Variants in ACVR2A observed in about 807,000 individuals in gnomAD.
ACVR2A encodes the protein activin A receptor type 2A, also known as activin receptor type-2A.
In ACVR2A, 7 loss-of-function variants were observed where a neutral mutation model predicts 61.4. The observed-to-expected ratio is 0.11, with a 90% CI of 0.06 to 0.21. ACVR2A has a LOEUF of 0.21. ACVR2A is among the 10% of genes least tolerant of loss of function. The probability of loss-of-function intolerance (pLI) is 1.00; values close to 1 mark genes in which losing one functional copy is unlikely to be tolerated. For synonymous variants in ACVR2A, 193 were observed against 208.3 expected, an observed-to-expected ratio of 0.93 and a Z score of 0.63; for missense variants, 322 against 621.7, an observed-to-expected ratio of 0.52 and a Z score of 5.13.
At chr2:147,908,038 CAAAAAAAAAAAAAAAA>C (rs1687028240) in intron 4 of ACVR2A, among the ~76,000 whole-genome samples, 1 of 67,036 alleles carries the variant, frequency 1.5e-5, no homozygotes, top group Non-Finnish European at 3.0e-5. Context: ...GACTCTGTTT[CAAAAAAAAAAAAAAAA>C]GAAAAAAAAG....
intron 4 of ACVR2A, among the ~76,000 whole-genome samples, chr2:147,905,399 ATATT>A (rs1212454513): frequency 6.6e-6 from 1 of 152,006 alleles, no homozygotes; most frequent in Non-Finnish European, 1.5e-5. Context: ...AAAATTTTGT[ATATT>A]TAAGGTGTAC....
chr2:147,902,303 A>G (rs1251117307), intron 4 of ACVR2A, among the ~76,000 whole-genome samples: 1 of 151,994 alleles, frequency 6.6e-6, no homozygotes, highest in Non-Finnish European at 1.5e-5. Context: ...TCTCCATTTT[A>G]TAGATAGAAA....
chr2:147,921,197 C>T (rs1687371419), intron 8 of ACVR2A, among the ~76,000 whole-genome samples: 1 of 151,958 alleles, frequency 6.6e-6, no homozygotes, highest in South Asian at 2.1e-4. Flanking sequence ...CCATGCCCAG[C>T]CTAATGTTTG....
rs1687569999 is a variant in ACVR2A, at chr2:147,928,751, C to G, written c.*1477C>G. The G allele has an allele frequency of 2.6e-5, 4 of 152,208 alleles. No homozygotes were observed. Among genetic ancestry groups the G allele is most frequent in the African/African-American group, 9.7e-5 (4 of 41,354 alleles). The allele number at this position is 152,208 out of a possible 1,614,324, so 9.4% of individuals were successfully genotyped here. ...GGTAGGCAGGTGCTAAAGTGCTTTT[C>G]AAAACAATATTACGTTAGAATACAA... On this transcript the variant is annotated 3_prime_UTR_variant, in exon 11 of 11. Coordinates refer to ENST00000241416, the MANE Select transcript of ACVR2A (RefSeq NM_001616.5).
rs2105227122 is a variant in ACVR2A, at chr2:147,927,914, T to G, written c.*640T>G. On this transcript the variant is annotated 3_prime_UTR_variant, in exon 11 of 11. Transcript: ENST00000241416. ...ATAAAATTGAAAACACTAACAAAAT[T>G]TGAATAATAAATCGATCCATGTTTT... The G allele has an allele frequency of 6.6e-6, 1 of 152,388 alleles. No individual in the cohort carries two copies. The highest frequency in any genetic ancestry group is 1.9e-4 in the East Asian group (1 of 5,178). The allele number at this position is 152,388 out of a possible 1,614,324, so 9.4% of individuals were successfully genotyped here. A position where few individuals can be genotyped will look rare whatever the true frequency, so the allele number is the denominator to read the frequency against.
intron 1 of ACVR2A, among the ~76,000 whole-genome samples, chr2:147,851,032 T>G (rs1685433202): frequency 6.6e-6 from 1 of 152,112 alleles, no homozygotes; most frequent in Non-Finnish European, 1.5e-5. Context: ...CATTTTCTGT[T>G]ACTTGATTAT....
intron 8 of ACVR2A, among the ~76,000 whole-genome samples, chr2:147,921,563 A>C (rs996303352): frequency 6.6e-6 from 1 of 152,268 alleles, no homozygotes; most frequent in South Asian, 2.1e-4. Flanking sequence ...CTAACTATTT[A>C]AGAATGTAGT....
chr2:147,884,654 T>C (rs926985006), intron 1 of ACVR2A, among the ~76,000 whole-genome samples: 23 of 152,148 alleles, frequency 1.5e-4, no homozygotes, highest in Admixed American at 5.2e-4. Flanking sequence ...CAAATCATTT[T>C]TATCTTTTAG....
At chr2:147,894,292 C>G (rs1012599779) in intron 1 of ACVR2A, among the ~76,000 whole-genome samples, 1 of 152,076 alleles carries the variant, frequency 6.6e-6, no homozygotes. Flanking sequence ...GTCTTAAAAT[C>G]AGTTAGTATG....
chr2:147,888,976 C>T (rs1410649205), intron 1 of ACVR2A, among the ~76,000 whole-genome samples: 1 of 151,446 alleles, frequency 6.6e-6, no homozygotes, highest in African/African-American at 2.4e-5. Flanking sequence ...TGAGTAAGTT[C>T]CCTTCTATTC....
intron 1 of ACVR2A, among the ~76,000 whole-genome samples, chr2:147,891,399 G>T (rs1686578856): frequency 2.6e-5 from 4 of 152,044 alleles, no homozygotes; most frequent in Admixed American, 2.6e-4. Context: ...CAAAAGGTAG[G>T]TTAGACGGAC....
chr2:147,914,958 T>C (rs1292142270), intron 4 of ACVR2A, among the ~76,000 whole-genome samples: 1 of 151,880 alleles, frequency 6.6e-6, no homozygotes, highest in African/African-American at 2.4e-5. Context: ...CTGTGGTACA[T>C]ATATAGCAAT....
intron 1 of ACVR2A, among the ~76,000 whole-genome samples, chr2:147,868,805 T>A (rs1685940703): frequency 6.6e-6 from 1 of 151,474 alleles, no homozygotes; most frequent in South Asian, 2.1e-4. Context: ...AATTTTTTAA[T>A]TTTTTTTGTA....
intron 4 of ACVR2A, among the ~76,000 whole-genome samples, chr2:147,901,822 A>G (rs1019358464): frequency 2.6e-5 from 4 of 151,994 alleles, no homozygotes; most frequent in South Asian, 4.1e-4. Context: ...GTGGAACTTC[A>G]CTTTTGTCAT....
At chr2:147,853,252 G>A (rs182306949) in intron 1 of ACVR2A, among the ~76,000 whole-genome samples, 7 of 152,192 alleles carry the variant, frequency 4.6e-5, no homozygotes, top group Admixed American at 6.5e-5. Context: ...ACATGATAAC[G>A]TAATATTCTC....
intron 1 of ACVR2A, among the ~76,000 whole-genome samples, chr2:147,855,580 C>T (rs1487221372): frequency 1.3e-5 from 2 of 152,124 alleles, no homozygotes; most frequent in African/African-American, 2.4e-5. Context: ...TCCTAGATCC[C>T]TTCCAGCTTT....
chr2:147,865,752 A>G (rs1685835872), intron 1 of ACVR2A, among the ~76,000 whole-genome samples: 1 of 152,200 alleles, frequency 6.6e-6, no homozygotes. Context: ...GGGAGAAGAG[A>G]TGAATAAGAC....
At chr2:147,873,276 T>C (rs1686068337) in intron 1 of ACVR2A, among the ~76,000 whole-genome samples, 1 of 151,904 alleles carries the variant, frequency 6.6e-6, no homozygotes, top group Non-Finnish European at 1.5e-5. Context: ...AAATTTCAGA[T>C]TTTCTAGTAG....
In ACVR2A at chr2:147,930,180, C is replaced by G. The variant is rs1355333112; in HGVS notation, c.*2906C>G. 2 of 152,148 alleles carry G rather than the reference C, an allele frequency of 1.3e-5. No individual in the cohort carries two copies. The highest frequency in any genetic ancestry group is 4.8e-5 in the African/African-American group (2 of 41,300). 9.4% of individuals were successfully genotyped at this position (152,148 alleles called of 1,614,324 possible). On this transcript the variant is annotated 3_prime_UTR_variant, in exon 11 of 11. Coordinates refer to ENST00000241416, the MANE Select transcript of ACVR2A (RefSeq NM_001616.5). ...TTTGAAAATACAATCAGGAAAAAAC[C>G]CAACACCTTTGGAATTTAAAATAGA...
Sources: allele counts gnomAD v4.1 joint callset (sites outside exome capture counted in the v4.1 genomes callset), GRCh38; gene constraint gnomAD v4.1.1; transcripts MANE v1.5; gene names NCBI Gene and HGNC (gene_info 2026-07-23, HGNC 2026-07-21).